Variants in SAMD5 observed in about 807,000 individuals in gnomAD.
SAMD5 encodes the protein sterile alpha motif domain-containing protein 5.
In SAMD5, 13 loss-of-function variants were observed where a neutral mutation model predicts 11.3. The ratio of observed to expected loss-of-function variants is 1.15; its 90% confidence interval spans 0.75 to 1.83. The LOEUF (loss-of-function observed/expected upper bound fraction) is 1.83, where lower values mean the gene tolerates loss of function less well. Among genes scored for constraint, SAMD5 ranks in the 40% most tolerant of loss-of-function variants. SAMD5 has a pLI of 0.00. For missense variants in SAMD5, 255 were observed against 239.1 expected (o/e 1.07, Z -0.44); for synonymous variants, 129 against 111.3 (o/e 1.16, Z -1.00).
At chr6:147,933,088 C>T in the SAMD5 span, among the ~76,000 whole-genome samples, 1 of 152,124 alleles carries the variant, frequency 6.6e-6, no homozygotes, top group Admixed American at 6.5e-5. Context: ...CAGTTTCTTC[C>T]TCCTTTCCAA....
the SAMD5 span, among the ~76,000 whole-genome samples, chr6:147,857,200 C>T: frequency 1.3e-5 from 2 of 151,640 alleles, no homozygotes; most frequent in Non-Finnish European, 2.9e-5. Context: ...ACTTTGTTTG[C>T]CTAATAATAA....
chr6:147,693,139 T>C (rs80345282), intron 1 of SAMD5, among the ~76,000 whole-genome samples: 17,001 of 152,254 alleles, frequency 0.11, 1,040 homozygotes, highest in Middle Eastern at 0.15. Flanking sequence ...TCTGCCCCTA[T>C]GAGAGCACGA....
chr6:147,583,718 C>A (rs1241595958), intron 1 of SAMD5, among the ~76,000 whole-genome samples: 1 of 151,990 alleles, frequency 6.6e-6, no homozygotes, highest in Non-Finnish European at 1.5e-5. Flanking sequence ...TGCCATTCTG[C>A]CCCATAGAAC....
At chr6:147,790,614 G>T in the SAMD5 span, among the ~76,000 whole-genome samples, 3 of 152,162 alleles carry the variant, frequency 2.0e-5, no homozygotes, top group Non-Finnish European at 4.4e-5. Context: ...GTCTGTGAGG[G>T]TGTTTCCAGA....
intron 1 of SAMD5, chr6:147,730,243 G>T (rs1583156976): frequency 2.7e-6 from 1 of 367,690 alleles, no homozygotes; most frequent in Non-Finnish European, 5.3e-6. Context: ...TTTGAGCAAA[G>T]ATATGAAATT....
At chr6:147,733,372 TTTTC>T in intron 1 of SAMD5, among the ~76,000 whole-genome samples, 1 of 152,340 alleles carries the variant, frequency 6.6e-6, no homozygotes, top group South Asian at 2.1e-4. Flanking sequence ...TCTTTTACCT[TTTTC>T]TTTCCTGGAA....
At chr6:147,622,536 A>T (rs1328452501) in intron 1 of SAMD5, among the ~76,000 whole-genome samples, 1 of 152,180 alleles carries the variant, frequency 6.6e-6, no homozygotes, top group Non-Finnish European at 1.5e-5. Context: ...CTCAAGGAAT[A>T]TCTTCTAGAA....
At chr6:147,853,315 G>A in the SAMD5 span, among the ~76,000 whole-genome samples, 3 of 152,016 alleles carry the variant, frequency 2.0e-5, no homozygotes, top group African/African-American at 2.4e-5. Flanking sequence ...CCCTGTGAAC[G>A]ATTAGGGTGA....
intron 1 of SAMD5, among the ~76,000 whole-genome samples, chr6:147,551,908 G>A (rs1308391195): frequency 6.7e-6 from 1 of 150,326 alleles, no homozygotes; most frequent in East Asian, 1.9e-4. Context: ...CAGTGTTTGG[G>A]TTTGTATTCT....
the SAMD5 span, among the ~76,000 whole-genome samples, chr6:147,844,090 A>G: frequency 6.6e-6 from 1 of 152,182 alleles, no homozygotes; most frequent in African/African-American, 2.4e-5. Flanking sequence ...TGCAAATTAT[A>G]CATCAGATAA....
At chr6:147,806,316 GCGCA>G in the SAMD5 span, among the ~76,000 whole-genome samples, 47,147 of 150,282 alleles carry the variant, frequency 0.31, 7,551 homozygotes, top group African/African-American at 0.4. Context: ...GCGCGCGCGC[GCGCA>G]CACACACACA....
the SAMD5 span, among the ~76,000 whole-genome samples, chr6:147,807,030 T>C: frequency 6.6e-6 from 1 of 152,146 alleles, no homozygotes; most frequent in African/African-American, 2.4e-5. Flanking sequence ...AGCCGACATT[T>C]GATCTTGTAC....
chr6:147,677,032 G>A (rs185911107), intron 1 of SAMD5, among the ~76,000 whole-genome samples: 27 of 152,270 alleles, frequency 1.8e-4, no homozygotes, highest in African/African-American at 6.3e-4. Context: ...AAAGACAGTG[G>A]CTCTTTTCCT....
At chr6:147,923,504 T>C in the SAMD5 span, among the ~76,000 whole-genome samples, 6 of 152,304 alleles carry the variant, frequency 3.9e-5, no homozygotes, top group South Asian at 1.2e-3. Flanking sequence ...TAACTTGACA[T>C]TAATTTAGCA....
intron 1 of SAMD5, chr6:147,660,606 A>C (rs1364963579): frequency 6.6e-6 from 1 of 152,192 alleles, no homozygotes; most frequent in East Asian, 1.9e-4. Context: ...ATTGGATCAT[A>C]AGGGCGGATC....
chr6:147,542,768 A>C (rs1788627276), intron 1 of SAMD5, among the ~76,000 whole-genome samples: 1 of 152,160 alleles, frequency 6.6e-6, no homozygotes. Context: ...ATAACTCCTA[A>C]ACCATAATTT....
At chr6:147,873,580 A>T in the SAMD5 span, among the ~76,000 whole-genome samples, 2 of 152,084 alleles carry the variant, frequency 1.3e-5, no homozygotes, top group African/African-American at 4.8e-5. Context: ...TGATGTAGGA[A>T]GGTTTTCTGT....
chr6:147,910,879 G>A, the SAMD5 span, among the ~76,000 whole-genome samples: 1 of 152,208 alleles, frequency 6.6e-6, no homozygotes, highest in Non-Finnish European at 1.5e-5. Flanking sequence ...CCTCAACACA[G>A]TAGTGCATAC....
chr6:147,570,881 C>T (rs1205088667), downstream of SAMD5, among the ~76,000 whole-genome samples: 2 of 152,144 alleles, frequency 1.3e-5, no homozygotes, highest in Non-Finnish European at 2.9e-5. Context: ...CATGATAACA[C>T]CCCAGGTTGG....
Sources: allele counts gnomAD v4.1 joint callset (sites outside exome capture counted in the v4.1 genomes callset), GRCh38; gene constraint gnomAD v4.1.1; transcripts MANE v1.5; gene names NCBI Gene and HGNC (gene_info 2026-07-23, HGNC 2026-07-21).